Variants in SS18 observed in about 807,000 individuals in gnomAD.
The protein encoded by SS18 is SS18 subunit of BAF chromatin remodeling complex, also known as protein SSXT.
SS18 carries 28 observed loss-of-function variants against 72.5 expected under a neutral mutation model. The ratio of observed to expected loss-of-function variants is 0.39; its 90% CI spans 0.29 to 0.53. The LOEUF (loss-of-function observed/expected upper bound fraction) is 0.53, where lower values mean the gene tolerates loss of function less well. SS18 is among the 20% of genes least tolerant of loss of function. The probability of loss-of-function intolerance (pLI) is 0.76; values close to 1 mark genes in which losing one functional copy is unlikely to be tolerated. For missense variants in SS18, 518 were observed against 535.3 expected (o/e 0.97, Z 0.32); for synonymous variants, 172 against 164.2 (o/e 1.05, Z -0.37).
chr18:26,054,179 A>G (rs2053973130), intron 4 of SS18, among the ~76,000 whole-genome samples: 1 of 152,330 alleles, frequency 6.6e-6, no homozygotes, highest in Non-Finnish European at 1.5e-5. Context: ...ACAAGAAAAA[A>G]AAAGTATGTA....
chr18:26,016,692 CAGCCTGGGCGACA>C lies in SS18; in HGVS notation c.*1649_*1661del, dbSNP rs1244026361. 1 of 201,910 alleles carries C rather than the reference CAGCCTGGGCGACA, an allele frequency of 5.0e-6. No homozygotes were observed. Among genetic ancestry groups the C allele is most frequent in the Non-Finnish European group, 1.0e-5 (1 of 98,486 alleles). 12.5% of individuals were successfully genotyped at this position (201,910 alleles called of 1,614,324 possible). On this transcript the variant is annotated 3_prime_UTR_variant, in exon 11 of 11. Coordinates refer to ENST00000415083, the MANE Select transcript of SS18 (RefSeq NM_001007559.3). Reference sequence around the variant, plus strand: ...GAGCTGAGATTGCGCCACTGCACTCCAGCCTGGGCGACAAGAGCAAGACTCCATCTCAAAAAAA... The same window carrying C: ...GAGCTGAGATTGCGCCACTGCACTCCAGAGCAAGACTCCATCTCAAAAAAA...
Position 26,078,129 on chromosome 18 carries a change from A to G in SS18, c.178T>C (p.Tyr60His). The G allele has an allele frequency of 6.2e-7, 1 of 1,612,892 alleles. No individual in the cohort carries two copies. Among genetic ancestry groups the G allele is most frequent in the South Asian group, 1.1e-5 (1 of 90,960 alleles). The change falls in exon 3 of 11, where the codon TAC becomes CAC. Residue 60 changes from tyrosine to histidine, a missense_variant. Coordinates refer to ENST00000415083, the MANE Select transcript of SS18 (RefSeq NM_001007559.3). The stretch of plus-strand genomic sequence containing the variant: ...TTAGAATCTGCTATTGTAGCAAGGT[A>G]TACCAAGTTTGTGTGCAACATCTGC... ...YQQMLHTNLV[Y>H]LATIADSNQN...
At chr18:26,023,539 G>A (rs542036550) in intron 10 of SS18, 3 of 469,188 alleles carry the variant, frequency 6.4e-6, no homozygotes, top group East Asian at 4.3e-5. Context: ...ATAAATGACA[G>A]CAAATGTCTC....
chr18:26,029,050 A>G (rs2053500255), intron 10 of SS18, among the ~76,000 whole-genome samples: 1 of 152,188 alleles, frequency 6.6e-6, no homozygotes, highest in Non-Finnish European at 1.5e-5. Flanking sequence ...TTAAGCAGAG[A>G]TTTTAATAAA....
chr18:26,082,566 T>C (rs1013415824), intron 2 of SS18: 3 of 932,830 alleles, frequency 3.2e-6, no homozygotes, highest in African/African-American at 3.6e-5. Context: ...TAAGCAAACA[T>C]AGGTTGATTT....
At chr18:26,090,626 G>T (rs546680995), upstream of SS18, 11 of 1,518,194 alleles carry the variant, frequency 7.2e-6, no homozygotes, top group East Asian at 7.4e-5. Context: ...ACGGCAAACT[G>T]GGGGAGAGAC....
chr18:26,076,978 T>C (rs1008712985), intron 3 of SS18, among the ~76,000 whole-genome samples: 7 of 151,994 alleles, frequency 4.6e-5, no homozygotes, highest in African/African-American at 9.7e-5. Flanking sequence ...CTCTCTAGTT[T>C]CAGGATAACC....
intron 2 of SS18, among the ~76,000 whole-genome samples, chr18:26,083,401 T>C (rs56813627): frequency 0.093 from 14,157 of 152,206 alleles, 982 homozygotes; most frequent in African/African-American, 0.17. Context: ...CAGTTATTCA[T>C]CACTTAACAA....
intron 10 of SS18, among the ~76,000 whole-genome samples, chr18:26,020,104 A>T (rs2053321914): frequency 6.6e-6 from 1 of 152,216 alleles, no homozygotes; most frequent in Admixed American, 6.5e-5. Flanking sequence ...GTTATTGGTT[A>T]GCATACTGGA....
At chr18:26,066,534 T>G (rs1011006898) in intron 3 of SS18, among the ~76,000 whole-genome samples, 16 of 151,950 alleles carry the variant, frequency 1.1e-4, no homozygotes, top group Non-Finnish European at 2.9e-5. Context: ...AAAGGGACAG[T>G]CTTTCAGTTC....
At chr18:26,023,649 T>A (rs971443033) in intron 10 of SS18, 2 of 527,974 alleles carry the variant, frequency 3.8e-6, no homozygotes, top group East Asian at 8.0e-5. Context: ...CCAGAGAAAA[T>A]ATCTTTCAAA....
chr18:26,081,682 A>G lies in SS18; in HGVS notation c.147-3522T>C, dbSNP rs1257775499. 2.0e-5 allele frequency among the ~76,000 whole-genome samples: 3 copies of G among 151,016 alleles called. No individual in the cohort carries two copies. In the East Asian group the frequency reaches 5.8e-4, roughly 29 times the overall value. On this transcript the variant is annotated intron_variant, in intron 2 of 10. Transcript: ENST00000415083. ...AAATGATATTAAATATATTTTCCTC[A>G]GAAACTTTGAATATTTTTATTCTAT... is the stretch of plus-strand genomic sequence containing the variant.
At chr18:26,042,888 G>C (rs566872085) in intron 5 of SS18, among the ~76,000 whole-genome samples, 92 of 151,838 alleles carry the variant, frequency 6.1e-4, no homozygotes, top group Non-Finnish European at 1.1e-3. Context: ...TATATATATA[G>C]AACATTCATA....
chr18:26,049,204 G>C (rs1798157533), intron 5 of SS18, among the ~76,000 whole-genome samples: 1 of 152,120 alleles, frequency 6.6e-6, no homozygotes, highest in Non-Finnish European at 1.5e-5. Flanking sequence ...AAATACACAG[G>C]TATCTGTCCA....
At chr18:26,033,002 GTA>G (rs1312441200) in intron 9 of SS18, among the ~76,000 whole-genome samples, 1 of 152,122 alleles carries the variant, frequency 6.6e-6, no homozygotes, top group African/African-American at 2.4e-5. Flanking sequence ...ATCACCAAAA[GTA>G]TATGTCTATA....
chr18:26,032,124 G>C (rs747960537), intron 10 of SS18, among the ~76,000 whole-genome samples: 25 of 152,070 alleles, frequency 1.6e-4, no homozygotes, highest in Non-Finnish European at 3.5e-4. Context: ...TGAGGGTAAA[G>C]ACCACAGAGC....
chr18:26,076,437 G>A (rs917387099), intron 3 of SS18, among the ~76,000 whole-genome samples: 1 of 151,724 alleles, frequency 6.6e-6, no homozygotes, highest in African/African-American at 2.4e-5. Flanking sequence ...AAATAATAAT[G>A]GGACAAAAAA....
chr18:26,077,586 C>T (rs529142318), intron 3 of SS18, among the ~76,000 whole-genome samples: 2 of 152,264 alleles, frequency 1.3e-5, no homozygotes, highest in Non-Finnish European at 2.9e-5. Flanking sequence ...TTTTTAATCG[C>T]TGCTCGGCCT....
intron 3 of SS18, among the ~76,000 whole-genome samples, chr18:26,071,393 A>G (rs752210802): frequency 1.2e-4 from 18 of 152,256 alleles, no homozygotes; most frequent in Non-Finnish European, 2.2e-4. Flanking sequence ...GCAGTCAAAT[A>G]AGCAGATTAT....
Sources: gnomAD v4.1 joint callset for allele counts (sites outside exome capture counted in the v4.1 genomes callset) on GRCh38, gnomAD v4.1.1 for gene constraint, MANE v1.5 for transcripts, NCBI Gene and HGNC (gene_info 2026-07-23, HGNC 2026-07-21) for gene names.